The following HELZ variants were observed in gnomAD, a reference collection of about 807,000 sequenced individuals.
The protein encoded by HELZ is helicase with zinc finger, also known as ATP-dependent RNA helicase with zinc finger domain.
HELZ carries 23 observed loss-of-function variants against 218.2 expected under a neutral mutation model. The observed-to-expected ratio is 0.11, with a 90% CI of 0.08 to 0.15. The LOEUF is 0.15. HELZ is among the 10% of genes least tolerant of loss of function. The pLI is 1.00. For missense variants in HELZ, 1,813 were observed against 2,353.7 expected, an observed-to-expected ratio of 0.77 and a Z score of 4.75; for synonymous variants, 814 against 829.4, an observed-to-expected ratio of 0.98 and a Z score of 0.32.
In HELZ at chr17:67,240,115, GAACT is replaced by G. The variant is rs746990957; in HGVS notation, c.-75-630_-75-627del. 3.9e-5 allele frequency among the ~76,000 whole-genome samples: 6 copies of G among 152,276 alleles called. No homozygotes were observed. In the East Asian group the frequency reaches 5.8e-4, roughly 15 times the overall value. ...TCAAAACTTTACCAACCTGACTAAA[GAACT>G]AACTGTTTTCATGTTTCACAATTCA... On this transcript the variant is annotated intron_variant, in intron 2 of 32. Coordinates refer to ENST00000358691, the MANE Select transcript of HELZ (RefSeq NM_014877.4).
At chr17:67,117,531 A>AAAGACTGT (rs2037463238) in intron 27 of HELZ, among the ~76,000 whole-genome samples, 1 of 152,012 alleles carries the variant, frequency 6.6e-6, no homozygotes, top group South Asian at 2.1e-4. Flanking sequence ...AAATATGTGC[A>AAAGACTGT]AAGACTGTAT....
In HELZ at chr17:67,120,428, T is replaced by A. The variant is rs770992330; in HGVS notation, c.3815A>T (p.Asp1272Val). 1.2e-6 allele frequency: 2 copies of A among 1,614,124 alleles called. No individual in the cohort carries two copies. The highest frequency in any genetic ancestry group is 2.2e-5 in the South Asian group (2 of 91,076). The part of the protein sequence containing the change: ...GQPQNQHQEK[D>V]QHEQNRNGKS... ...ACCATTTCGATTTTGCTCATGTTGA[T>A]CCTTCTCCTGATGCTGATTTTGTGG... Residue 1272 changes from aspartate (D) to valine (V), a missense_variant, in exon 27 of 33, where the codon GAT (aspartate) becomes GTT (valine). This residue lies in a region of HELZ where 938 missense variants were observed against 1,027.5 expected (regional missense o/e 0.91). Coordinates refer to ENST00000358691, the MANE Select transcript of HELZ (RefSeq NM_014877.4).
chr17:67,170,203 C>A (rs530111340), intron 13 of HELZ, among the ~76,000 whole-genome samples: 10 of 152,194 alleles, frequency 6.6e-5, no homozygotes, highest in Admixed American at 4.6e-4. Flanking sequence ...ACTCCCAGGG[C>A]TCCATTAAGC....
intron 13 of HELZ, among the ~76,000 whole-genome samples, chr17:67,170,560 C>T (rs1395824999): frequency 1.3e-5 from 2 of 151,972 alleles, no homozygotes; most frequent in African/African-American, 2.4e-5. Context: ...GGCATGGGGG[C>T]TCACACCTGT....
chr17:67,152,336 G>A (rs542686424), intron 17 of HELZ, among the ~76,000 whole-genome samples: 5 of 152,306 alleles, frequency 3.3e-5, no homozygotes, highest in African/African-American at 9.6e-5. Flanking sequence ...GGAAGGAGCA[G>A]AGGGTAGAAG....
chr17:67,123,032 T>C lies in HELZ; in HGVS notation c.3568A>G (p.Thr1190Ala). 6.2e-7 allele frequency: 1 copy of C among 1,613,754 alleles called. No individual in the cohort carries two copies. The highest frequency in any genetic ancestry group is 8.5e-7 in the Non-Finnish European group (1 of 1,179,652). The change falls in exon 26 of 33, where the codon ACA becomes GCA. Residue 1190 changes from threonine to alanine, a missense_variant. By Grantham distance (58) the Thr-to-Ala change is moderately conservative. Coordinates refer to ENST00000358691, the MANE Select transcript of HELZ (RefSeq NM_014877.4). ...PVQRIDPHTG[T>A]SILYVPAVYG... ...ACAGCAGGTACATAAAGAATACTTG[T>C]CCCAGTGTGAGGATCTATTCTTTGA...
chr17:67,206,427 G>C (rs2040298663), intron 5 of HELZ, among the ~76,000 whole-genome samples: 2 of 152,152 alleles, frequency 1.3e-5, no homozygotes, highest in African/African-American at 2.4e-5. Flanking sequence ...ATACATCTTT[G>C]CTGGGGTTCC....
intron 5 of HELZ, among the ~76,000 whole-genome samples, chr17:67,209,030 A>AAGAAG (rs2040382141): frequency 1.1e-5 from 1 of 91,680 alleles, no homozygotes; most frequent in African/African-American, 4.8e-5. Flanking sequence ...GAAGGAAGGG[A>AAGAAG]GGAAGGGAGG....
intron 32 of HELZ, among the ~76,000 whole-genome samples, chr17:67,078,980 G>A (rs751725810): frequency 6.6e-6 from 1 of 152,160 alleles, no homozygotes; most frequent in African/African-American, 2.4e-5. Context: ...GGTCAAAACA[G>A]CTTTTATTAC....
chr17:67,107,846 T>C (rs1003091763), intron 30 of HELZ, among the ~76,000 whole-genome samples, 161 bp from the exon 31 acceptor site: 1 of 152,244 alleles, frequency 6.6e-6, no homozygotes, highest in African/African-American at 2.4e-5. Flanking sequence ...ACTCAATAGA[T>C]GCTGAGGTGA....
intron 13 of HELZ, among the ~76,000 whole-genome samples, chr17:67,175,368 C>G: frequency 6.6e-6 from 1 of 151,982 alleles, no homozygotes; most frequent in Non-Finnish European, 1.5e-5. Context: ...GACACCTCCC[C>G]CAAAATTTTC....
rs552582522 is a variant in HELZ at position 67,185,443 on chromosome 17, A to G, written c.1162+2876T>C. On this transcript the variant is annotated intron_variant, in intron 12 of 32. Transcript: ENST00000358691. The stretch of plus-strand genomic sequence containing the variant: ...ACAATGAAACAAAAGTAGTCACGCA[A>G]TAAAAATTTCAAGAGTTAACAAAAT... Among the ~76,000 whole-genome samples the G allele has an allele frequency of 1.7e-4, 26 of 152,342 alleles. No homozygotes were observed. In the South Asian group the frequency reaches 5.4e-3, roughly 32 times the overall value.
chr17:67,130,090 G>A (rs189048686), intron 23 of HELZ, among the ~76,000 whole-genome samples: 5 of 152,156 alleles, frequency 3.3e-5, no homozygotes, highest in Admixed American at 6.5e-5. Flanking sequence ...ATTCCAAACC[G>A]TGCTTCTCTT....
intron 7 of HELZ, 83 bp downstream of exon 7, chr17:67,201,046 T>C (rs2040156020): frequency 1.9e-6 from 2 of 1,063,864 alleles, no homozygotes; most frequent in Non-Finnish European, 2.9e-6. Flanking sequence ...GATGCCACAA[T>C]GGTTTTCCAA....
In HELZ at chr17:67,212,314, C is replaced by CAA. The variant is rs10692832; in HGVS notation, c.247+3583_247+3584dup. 9.8e-4 allele frequency among the ~76,000 whole-genome samples: 21 copies of CAA among 21,404 alleles called. 2 individuals carry two copies. The highest frequency in any genetic ancestry group is 3.0e-3 in the African/African-American group (19 of 6,260). The allele number at this position is 21,404 out of a possible 152,430, so 14.0% of individuals were successfully genotyped here. A position where few individuals can be genotyped will look rare whatever the true frequency, so the allele number is the denominator to read the frequency against. On this transcript the variant is annotated intron_variant, in intron 5 of 32. Coordinates refer to ENST00000358691, the MANE Select transcript of HELZ (RefSeq NM_014877.4). ...TGGGCGACAGGGAGAGACACCATCT[C>CAA]AAAAAAAAAAAAAAAAAAAAAGGCT...
chr17:67,215,444 G>A (rs1369701185), intron 5 of HELZ, among the ~76,000 whole-genome samples: 4 of 151,876 alleles, frequency 2.6e-5, no homozygotes, highest in Admixed American at 2.6e-4. Flanking sequence ...CGCCTCCCGG[G>A]TTCAAGCAAT....
intron 31 of HELZ, among the ~76,000 whole-genome samples, chr17:67,089,664 TATATAGAG>T (rs1442310171): frequency 2.2e-5 from 1 of 45,462 alleles, no homozygotes; most frequent in Non-Finnish European, 4.0e-5. Context: ...TATATATATA[TATATAGAG>T]AGAGAGAGAG....
At chr17:67,150,327 C>T (rs529595936) in intron 18 of HELZ, among the ~76,000 whole-genome samples, 205 of 151,888 alleles carry the variant, frequency 1.3e-3, no homozygotes, top group South Asian at 6.0e-3. Context: ...GATAAGGTTT[C>T]ACTGTATTTC....
intron 22 of HELZ, among the ~76,000 whole-genome samples, chr17:67,136,599 T>C (rs988986119): frequency 6.6e-6 from 1 of 152,186 alleles, no homozygotes; most frequent in Non-Finnish European, 1.5e-5. Flanking sequence ...ATACATACAA[T>C]AGATTATTCA....
Sources: allele counts gnomAD v4.1 joint callset (sites outside exome capture counted in the v4.1 genomes callset), GRCh38; gene constraint gnomAD v4.1.1; regional missense constraint gnomAD v4.1.1; transcripts MANE v1.5; gene names NCBI Gene and HGNC (gene_info 2026-07-23, HGNC 2026-07-21).